The following SPTB variants were observed in gnomAD, a reference collection of about 807,000 sequenced individuals.
The protein encoded by SPTB is spectrin beta chain, erythrocytic.
SPTB carries 45 observed loss-of-function variants against 256.2 expected under a neutral mutation model. That is an observed-to-expected ratio of 0.18 (90% CI 0.14 to 0.23). The LOEUF (loss-of-function observed/expected upper bound fraction) is 0.23, where lower values mean the gene tolerates loss of function less well. Ranked by LOEUF, SPTB falls within the 10% of genes least tolerant of loss-of-function variation. The probability of loss-of-function intolerance (pLI) is 1.00; values close to 1 mark genes in which losing one functional copy is unlikely to be tolerated. For missense variants in SPTB, 2,715 were observed against 3,040.4 expected (o/e 0.89, Z 2.52); for synonymous variants, 1,231 against 1,243.1 (o/e 0.99, Z 0.21).
At position 64,793,673 on chromosome 14, in the gene SPTB, C is replaced by T. The variant is rs141730908; in HGVS notation, c.1990G>A (p.Asp664Asn). The T allele has an allele frequency of 2.0e-5, 33 of 1,614,150 alleles. No individual in the cohort carries two copies. Among genetic ancestry groups the T allele is most frequent in the Non-Finnish European group, 2.8e-5 (33 of 1,180,052 alleles). ...ACACTGGTCAGGTCTTTGCCATAGT[C>T]CAGGGAAGAATAGATCTGCTCCTTC... ...KEKEQIYSSL[D>N]YGKDLTSVLI... is the part of the protein sequence containing the mutation. Residue 664 changes from aspartate (D) to asparagine (N), a missense_variant, in exon 14 of 36, where the codon GAC becomes AAC. Physicochemically the swap from Asp to Asn is conservative, Grantham distance 23. Coordinates refer to ENST00000644917, the MANE Select transcript of SPTB (RefSeq NM_001355436.2). This position sits in a 1 kb window ranked among gnomAD's most constrained non-coding sequence, Gnocchi z 7.0.
chr14:64,843,676 C>A (rs775476617), intron 1 of SPTB, among the ~76,000 whole-genome samples: 1 of 152,160 alleles, frequency 6.6e-6, no homozygotes, highest in Non-Finnish European at 1.5e-5. Flanking sequence ...TAAAGGCCAT[C>A]GCTGTCAAGC....
At position 64,795,652 on chromosome 14, in the gene SPTB, G is replaced by A. The variant is rs368992483; in HGVS notation, c.1342-13C>T. ...ACCCAAAGTTATCCTGCCCCACCGGGAGAAAAACAGGCAGCTCAGTCAGAC... is the reference window on the plus strand; with the variant it reads ...ACCCAAAGTTATCCTGCCCCACCGGAAGAAAAACAGGCAGCTCAGTCAGAC... On this transcript the variant is annotated splice_polypyrimidine_tract_variant and intron_variant, in intron 11 of 35. Coordinates refer to ENST00000644917, the MANE Select transcript of SPTB (RefSeq NM_001355436.2). This position sits in a 1 kb window ranked among gnomAD's most constrained non-coding sequence, Gnocchi z 6.5. 3.7e-6 allele frequency: 6 copies of A among 1,613,642 alleles called. No individual in the cohort carries two copies. Among genetic ancestry groups the A allele is most frequent in the East Asian group, 4.5e-5 (2 of 44,866 alleles).
At chr14:64,787,571 G>C (rs1465082233) in intron 15 of SPTB, among the ~76,000 whole-genome samples, 1 of 152,184 alleles carries the variant, frequency 6.6e-6, no homozygotes, top group Non-Finnish European at 1.5e-5. Context: ...CTGCCCTAGA[G>C]GAACCAAGTA....
rs2083329928 is a variant in SPTB at position 64,823,468 on chromosome 14, G to A, written c.-51-323C>T. 1.3e-5 allele frequency among the ~76,000 whole-genome samples: 2 copies of A among 152,302 alleles called. No homozygotes were observed. The highest frequency in any genetic ancestry group is 4.1e-4 in the South Asian group (2 of 4,826). ...CCGCCCCGCCGCGGGGAGCACCCCGGGAGAGAGGAAGCTCTCCTGGGAGCC... is the reference window on the plus strand; with the variant it reads ...CCGCCCCGCCGCGGGGAGCACCCCGAGAGAGAGGAAGCTCTCCTGGGAGCC... On this transcript the variant is annotated intron_variant, in intron 1 of 35. Transcript: ENST00000644917. This position sits in a 1 kb window ranked among gnomAD's most constrained non-coding sequence, Gnocchi z 6.5.
chr14:64,869,017 G>A (rs1283495630), intron 1 of SPTB, among the ~76,000 whole-genome samples: 1 of 151,110 alleles, frequency 6.6e-6, no homozygotes, highest in Non-Finnish European at 1.5e-5. Flanking sequence ...CATTAAAGAT[G>A]CAGGATTAAA....
rs1221068382 is a variant in SPTB, at chr14:64,749,302, C to T, written c.*4G>A. The T allele has an allele frequency of 1.0e-5, 16 of 1,596,744 alleles. No homozygotes were observed. Among genetic ancestry groups the T allele is most frequent in the Non-Finnish European group, 1.3e-5 (15 of 1,173,838 alleles). On this transcript the variant is annotated 3_prime_UTR_variant, in exon 36 of 36. Coordinates refer to ENST00000644917, the MANE Select transcript of SPTB (RefSeq NM_001355436.2). The surrounding 1 kb of genome is among the most constrained non-coding windows in gnomAD (Gnocchi z 4.7). ...GACTCCGCCGCGCCCGCCAGCCCCA[C>T]CTGCTACTTCTTTTTGGGGAAGAAG...
chr14:64,768,920 G>C (rs557879818), intron 29 of SPTB, 114 bp downstream of exon 29: 5 of 887,290 alleles, frequency 5.6e-6, no homozygotes, highest in Admixed American at 1.7e-5. Flanking sequence ...GCAGTGCTGT[G>C]GGGGGCTCCT....
At position 64,775,069 on chromosome 14, in the gene SPTB, C is replaced by T; in HGVS notation, c.4842+56G>A. The T allele has an allele frequency of 6.2e-7, 1 of 1,613,042 alleles. No individual in the cohort carries two copies. The highest frequency in any genetic ancestry group is 8.5e-7 in the Non-Finnish European group (1 of 1,179,782). Reference sequence around the variant, plus strand: ...ACAAGGCTCCCTACCGACAGCCAACCTCAACTCTTCCTCTCTGCCTGGGCA... The same window carrying T: ...ACAAGGCTCCCTACCGACAGCCAACTTCAACTCTTCCTCTCTGCCTGGGCA... On this transcript the variant is annotated intron_variant, in intron 23 of 35. Coordinates refer to ENST00000644917, the MANE Select transcript of SPTB (RefSeq NM_001355436.2). The surrounding 1 kb of genome is among the most constrained non-coding windows in gnomAD (Gnocchi z 5.0).
intron 2 of SPTB, among the ~76,000 whole-genome samples, chr14:64,810,690 T>TAAC (rs1000876130): frequency 1.3e-4 from 19 of 151,298 alleles, no homozygotes; most frequent in East Asian, 5.9e-4. Context: ...AAAACAACAA[T>TAAC]AACAACAACA....
At chr14:64,875,931 A>G (rs907071330) in intron 1 of SPTB, among the ~76,000 whole-genome samples, 3 of 152,206 alleles carry the variant, frequency 2.0e-5, no homozygotes, top group Non-Finnish European at 4.4e-5. Context: ...ATAATTTTAA[A>G]ATTCCATAAC....
At chr14:64,831,399 A>T (rs1200209845) in intron 1 of SPTB, among the ~76,000 whole-genome samples, 2 of 152,248 alleles carry the variant, frequency 1.3e-5, no homozygotes, top group East Asian at 3.8e-4. Context: ...GTTGCCAAGG[A>T]CATGAACGGG....
At position 64,749,020 on chromosome 14, in the gene SPTB, T is replaced by TCAGAGAAC. The variant is rs1244802802; in HGVS notation, c.*278_*285dup. The TCAGAGAAC allele has an allele frequency of 3.0e-6, 1 of 328,526 alleles. No individual in the cohort carries two copies. The highest frequency in any genetic ancestry group is 5.6e-6 in the Non-Finnish European group (1 of 179,414). 20.4% of individuals were successfully genotyped at this position (328,526 alleles called of 1,614,324 possible). On this transcript the variant is annotated 3_prime_UTR_variant, in exon 36 of 36. Coordinates refer to ENST00000644917, the MANE Select transcript of SPTB (RefSeq NM_001355436.2). The surrounding 1 kb of genome is among the most constrained non-coding windows in gnomAD (Gnocchi z 4.7). ...AGGGTGGGAGAGGAGGGCGTGTGCCTCAGAGAACCGTTTCCTGCCCCCAGG... is the reference window on the plus strand; with the variant it reads ...AGGGTGGGAGAGGAGGGCGTGTGCCTCAGAGAACCAGAGAACCGTTTCCTGCCCCCAGG...
At position 64,827,645 on chromosome 14, in the gene SPTB, T is replaced by G. The variant is rs997054614; in HGVS notation, c.-51-4500A>C. On this transcript the variant is annotated intron_variant, in intron 1 of 35. Coordinates refer to ENST00000644917, the MANE Select transcript of SPTB (RefSeq NM_001355436.2). This position sits in a 1 kb window ranked among gnomAD's most constrained non-coding sequence, Gnocchi z 4.6. Reference sequence around the variant, plus strand: ...GCACATTCACAGGTACCTTAAAGAATAGTCAAATACACAAAAACACATGTG... The same window carrying G: ...GCACATTCACAGGTACCTTAAAGAAGAGTCAAATACACAAAAACACATGTG... 6.6e-6 allele frequency among the ~76,000 whole-genome samples: 1 copy of G among 152,180 alleles called. No individual in the cohort carries two copies. Among genetic ancestry groups the G allele is most frequent in the African/African-American group, 2.4e-5 (1 of 41,434 alleles).
At chr14:64,840,702 C>A (rs2083591890) in intron 1 of SPTB, among the ~76,000 whole-genome samples, 1 of 152,204 alleles carries the variant, frequency 6.6e-6, no homozygotes, top group Non-Finnish European at 1.5e-5. Flanking sequence ...CATCCCTTCA[C>A]CATCCCCACA....
Position 64,807,329 on chromosome 14 carries a change from G to C in SPTB, c.149-2239C>G, listed in dbSNP as rs573780880. Among the ~76,000 whole-genome samples, 2 of 152,344 alleles carry C rather than the reference G, an allele frequency of 1.3e-5. No individual in the cohort carries two copies. The highest frequency in any genetic ancestry group is 4.8e-5 in the African/African-American group (2 of 41,586). Reference sequence around the variant, plus strand: ...TTTATCTGTGCTTGGCAAAGGGTAAGGGAGTGATTCTAGCTGGGAACATGG... The same window carrying C: ...TTTATCTGTGCTTGGCAAAGGGTAACGGAGTGATTCTAGCTGGGAACATGG... On this transcript the variant is annotated intron_variant, in intron 2 of 35. Coordinates refer to ENST00000644917, the MANE Select transcript of SPTB (RefSeq NM_001355436.2). The surrounding 1 kb of genome is among the most constrained non-coding windows in gnomAD (Gnocchi z 4.7).
rs182791585 is a variant in SPTB at position 64,850,597 on chromosome 14, G to A, written c.-51-27452C>T. 1.9e-3 allele frequency among the ~76,000 whole-genome samples: 290 copies of A among 152,292 alleles called. 1 individual carries two copies. The highest frequency in any genetic ancestry group is 6.6e-3 in the African/African-American group (276 of 41,560). ...CTAAGGCACGAGTCCCCTGCCTCTT[G>A]TCCGCCCAACAATGAAGAGTTCAAT... On this transcript the variant is annotated intron_variant, in intron 1 of 35. Coordinates refer to ENST00000644917, the MANE Select transcript of SPTB (RefSeq NM_001355436.2).
intron 1 of SPTB, among the ~76,000 whole-genome samples, chr14:64,834,961 AT>A (rs1324845715): frequency 6.6e-6 from 1 of 152,242 alleles, no homozygotes; most frequent in African/African-American, 2.4e-5. Flanking sequence ...AAAAAGAGCT[AT>A]TTTAAAAGTC....
rs752216665 is a variant in SPTB, at chr14:64,786,582, A to C, written c.3383T>G (p.Ile1128Ser). 6.2e-7 allele frequency: 1 copy of C among 1,614,044 alleles called. No homozygotes were observed. The change falls in exon 16 of 36, where the codon ATC becomes AGC. Residue 1128 changes from isoleucine to serine, a missense_variant. Ile to Ser is a moderately radical substitution (Grantham distance 142, BLOSUM62 -2). Coordinates refer to ENST00000644917, the MANE Select transcript of SPTB (RefSeq NM_001355436.2). The surrounding 1 kb of genome is among the most constrained non-coding windows in gnomAD (Gnocchi z 5.6). ...QRVKESGEKV[I>S]QGQTDPEYLL... ...ATACTCTGGGTCCGTCTGGCCTTGG[A>C]TCACTTTCTCCCCAGACTCCTTAAC... is the stretch of plus-strand genomic sequence containing the variant.
At position 64,847,576 on chromosome 14, in the gene SPTB, G is replaced by T. The variant is rs1258337956; in HGVS notation, c.-51-24431C>A. On this transcript the variant is annotated intron_variant, in intron 1 of 35. Transcript: ENST00000644917. The surrounding 1 kb of genome is among the most constrained non-coding windows in gnomAD (Gnocchi z 5.9). ...ACTCAGAAGAAGAAATCCAGGGCCTGGGAGCAACCACCACACTCCTAAGCC... is the reference window on the plus strand; with the variant it reads ...ACTCAGAAGAAGAAATCCAGGGCCTTGGAGCAACCACCACACTCCTAAGCC... Among the ~76,000 whole-genome samples the T allele has an allele frequency of 2.6e-5, 4 of 152,126 alleles. No homozygotes were observed. The highest frequency in any genetic ancestry group is 4.4e-5 in the Non-Finnish European group (3 of 68,024).
Sources: allele counts gnomAD v4.1 joint callset (sites outside exome capture counted in the v4.1 genomes callset), GRCh38; gene constraint gnomAD v4.1.1; non-coding constraint Gnocchi (gnomAD v3.1); transcripts MANE v1.5; gene names NCBI Gene and HGNC (gene_info 2026-07-23, HGNC 2026-07-21).